The following CBX6 variants were observed in gnomAD, a reference collection of about 807,000 sequenced individuals.
The protein encoded by CBX6 is chromobox 6, also known as chromobox protein homolog 6.
Under a neutral mutation model 28.4 loss-of-function variants are expected in CBX6, and 7 were observed. The ratio of observed to expected loss-of-function variants is 0.25; its 90% CI spans 0.14 to 0.46. CBX6 has a LOEUF of 0.46. Among genes scored for constraint, CBX6 ranks in the 20% least tolerant of loss-of-function variants. The pLI, the probability that CBX6 is intolerant of heterozygous loss-of-function variation, is 0.99. For missense variants in CBX6, 512 were observed against 606.1 expected, an observed-to-expected ratio of 0.84 and a Z score of 1.63; for synonymous variants, 297 against 273.4, an observed-to-expected ratio of 1.09 and a Z score of -0.85.
At position 38,871,148 on chromosome 22, in the gene CBX6, T is replaced by TA. The variant is rs2093181133; in HGVS notation, c.246+331dup. The TA allele has an allele frequency of 4.9e-6, 2 of 407,398 alleles. No individual in the cohort carries two copies. The allele number at this position is 407,398 out of a possible 1,614,324, so 25.2% of individuals were successfully genotyped here. On this transcript the variant is annotated intron_variant, in intron 4 of 4. Transcript: ENST00000407418. This position sits in a 1 kb window ranked among gnomAD's most constrained non-coding sequence, Gnocchi z 5.6. ...TGGGTTCCAACTCCCAGCACAGTCA[T>TA]AACAGCTCAAACAAATGCCCCCTTC...
chr22:38,868,119 C>G (rs1306855709), intron 4 of CBX6, among the ~76,000 whole-genome samples: 1 of 152,204 alleles, frequency 6.6e-6, no homozygotes, highest in African/African-American at 2.4e-5. Context: ...CCAACCCACC[C>G]GTTGTCAGAT....
Position 38,871,623 on chromosome 22 carries a change from C to G in CBX6, c.179+69G>C. 1 of 1,610,934 alleles carries G rather than the reference C, an allele frequency of 6.2e-7. No homozygotes were observed. The highest frequency in any genetic ancestry group is 1.7e-4 in the Middle Eastern group (1 of 5,952). ...TCCGCGCTGCCCTCCCCGGCTCTCC[C>G]GCTTCCCCGCGCGGCGCCCCAGCCG... On this transcript the variant is annotated intron_variant, in intron 3 of 4. Coordinates refer to ENST00000407418, the MANE Select transcript of CBX6 (RefSeq NM_014292.5). The surrounding 1 kb of genome is among the most constrained non-coding windows in gnomAD (Gnocchi z 5.6).
rs1299548215 is a variant in CBX6, at chr22:38,867,166, A to G, written c.282T>C (p.Asp94=). 4 of 1,517,054 alleles carry G rather than the reference A, an allele frequency of 2.6e-6. No individual in the cohort carries two copies. The highest frequency in any genetic ancestry group is 3.5e-6 in the Non-Finnish European group (4 of 1,133,242). The allele number at this position is 1,517,054 out of a possible 1,614,324, so 94.0% of individuals were successfully genotyped here. A position where few individuals can be genotyped will look rare whatever the true frequency, so the allele number is the denominator to read the frequency against. ...CGCTCGGCTTGACAGAGAAATGCAC[A>G]TCACTGATGCGGAGGGCCTCGGCCT... ...RAQAEALRIS[D]VHFSVKPSAS... is the part of the protein sequence containing the mutation. The change falls in exon 5 of 5, where the codon GAT becomes GAC. Residue 94 remains aspartate, a synonymous_variant. Transcript: ENST00000407418.
intron 4 of CBX6, among the ~76,000 whole-genome samples, chr22:38,869,067 C>G (rs9611041): frequency 0.65 from 98,728 of 152,146 alleles, 35,856 homozygotes; most frequent in East Asian, 0.85. Context: ...CCTGCCCATG[C>G]CAATGCTGCC....
intron 4 of CBX6, among the ~76,000 whole-genome samples, chr22:38,869,073 C>T (rs1004664135): frequency 1.3e-5 from 2 of 152,210 alleles, no homozygotes; most frequent in Admixed American, 1.3e-4. Context: ...CATGCCAATG[C>T]TGCCAGCCCA....
intron 4 of CBX6, among the ~76,000 whole-genome samples, chr22:38,867,908 G>C (rs2093174428): frequency 6.6e-6 from 1 of 152,276 alleles, no homozygotes; most frequent in South Asian, 2.1e-4. Context: ...TCAGACGTGA[G>C]TTTGGTGGGG....
intron 4 of CBX6, 27 bp from the exon 5 acceptor site, chr22:38,867,228 G>GC: frequency 1.5e-4 from 80 of 518,754 alleles, no homozygotes; most frequent in Non-Finnish European, 2.2e-4. Context: ...GGGTGGGTGG[G>GC]ACCTCAGGAC....
chr22:38,861,570 G>C lies in CBX6; in HGVS notation c.*4639C>G, dbSNP rs1028289403. ...AGCAGCAGAACAAACGTACAAGACA[G>C]AGTAATCGGCACAGACCCACCCCTC... On this transcript the variant is annotated 3_prime_UTR_variant, in exon 5 of 5. Coordinates refer to ENST00000407418, the MANE Select transcript of CBX6 (RefSeq NM_014292.5). The C allele has an allele frequency of 3.9e-5, 6 of 152,184 alleles. No homozygotes were observed. Among genetic ancestry groups the C allele is most frequent in the African/African-American group, 1.2e-4 (5 of 41,430 alleles). 9.4% of individuals were successfully genotyped at this position (152,184 alleles called of 1,614,324 possible). A position where few individuals can be genotyped will look rare whatever the true frequency, so the allele number is the denominator to read the frequency against.
chr22:38,871,616 G>T lies in CBX6; in HGVS notation c.180-70C>A. On this transcript the variant is annotated intron_variant, in intron 3 of 4. Coordinates refer to ENST00000407418, the MANE Select transcript of CBX6 (RefSeq NM_014292.5). The surrounding 1 kb of genome is among the most constrained non-coding windows in gnomAD (Gnocchi z 5.6). Reference sequence around the variant, plus strand: ...GCCCCACTCCGCGCTGCCCTCCCCGGCTCTCCCGCTTCCCCGCGCGGCGCC... The same window carrying T: ...GCCCCACTCCGCGCTGCCCTCCCCGTCTCTCCCGCTTCCCCGCGCGGCGCC... The T allele has an allele frequency of 6.2e-7, 1 of 1,610,290 alleles. No homozygotes were observed. Among genetic ancestry groups the T allele is most frequent in the Non-Finnish European group, 8.5e-7 (1 of 1,177,546 alleles).
rs2093162904 is a variant in CBX6, at chr22:38,863,690, A to T, written c.*2519T>A. ...AGAAGCAGACCACCTGTGGCAAGGG[A>T]AATGCATTCCCTCTCCCCAGCCACC... On this transcript the variant is annotated 3_prime_UTR_variant, in exon 5 of 5. Coordinates refer to ENST00000407418, the MANE Select transcript of CBX6 (RefSeq NM_014292.5). The T allele has an allele frequency of 6.6e-6, 1 of 152,228 alleles. No homozygotes were observed. Among genetic ancestry groups the T allele is most frequent in the African/African-American group, 2.4e-5 (1 of 41,416 alleles). 9.4% of individuals were successfully genotyped at this position (152,228 alleles called of 1,614,324 possible).
chr22:38,871,384 T>A lies in CBX6; in HGVS notation c.246+96A>T. On this transcript the variant is annotated intron_variant, in intron 4 of 4. Transcript: ENST00000407418. The surrounding 1 kb of genome is among the most constrained non-coding windows in gnomAD (Gnocchi z 5.6). ...GCCCCTCTGAAAAGGCCGGCCCGCT[T>A]GGGCGGCCGCGTATCTGTCCCTCCC... 7.7e-7 allele frequency: 1 copy of A among 1,296,512 alleles called. No individual in the cohort carries two copies. Among genetic ancestry groups the A allele is most frequent in the Non-Finnish European group, 1.1e-6 (1 of 931,950 alleles). The allele number at this position is 1,296,512 out of a possible 1,614,324, so 80.3% of individuals were successfully genotyped here.
rs997207473 is a variant in CBX6 at position 38,862,591 on chromosome 22, C to T, written c.*3618G>A. 2 of 139,384 alleles carry T rather than the reference C, an allele frequency of 1.4e-5. No individual in the cohort carries two copies. Among genetic ancestry groups the T allele is most frequent in the Non-Finnish European group, 3.2e-5 (2 of 63,228 alleles). 8.6% of individuals were successfully genotyped at this position (139,384 alleles called of 1,614,324 possible). On this transcript the variant is annotated 3_prime_UTR_variant, in exon 5 of 5. Transcript: ENST00000407418. Reference sequence around the variant, plus strand: ...ACAAAAGAAAAAAGAAAAACCACCACAAACCAAAACAACAAAATGACACAG... The same window carrying T: ...ACAAAAGAAAAAAGAAAAACCACCATAAACCAAAACAACAAAATGACACAG...
At position 38,866,506 on chromosome 22, in the gene CBX6, G is replaced by A; in HGVS notation, c.942C>T (p.Asp314=). The part of the protein sequence containing the change: ...APSWREPEVL[D]LSLPPESAAT... ...CTGCCGACTCGGGAGGGAGGGACAG[G>A]TCGAGCACCTCCGGCTCGCGCCAGC... The change falls in exon 5 of 5, where the codon GAC becomes GAT. Residue 314 remains aspartate (D), a synonymous_variant. Coordinates refer to ENST00000407418, the MANE Select transcript of CBX6 (RefSeq NM_014292.5). This position sits in a 1 kb window ranked among gnomAD's most constrained non-coding sequence, Gnocchi z 7.5. 3 of 1,589,442 alleles carry A rather than the reference G, an allele frequency of 1.9e-6. No individual in the cohort carries two copies. The highest frequency in any genetic ancestry group is 2.6e-6 in the Non-Finnish European group (3 of 1,173,648).
intron 4 of CBX6, among the ~76,000 whole-genome samples, chr22:38,868,993 G>A (rs1803727161): frequency 6.6e-6 from 1 of 152,164 alleles, no homozygotes; most frequent in African/African-American, 2.4e-5. Context: ...CCCAGGCTGG[G>A]GCCTCCTGGG....
chr22:38,871,127 T>G lies in CBX6; in HGVS notation c.246+353A>C. The G allele has an allele frequency of 3.6e-6, 1 of 279,808 alleles. No individual in the cohort carries two copies. The highest frequency in any genetic ancestry group is 6.8e-6 in the Non-Finnish European group (1 of 146,220). The allele number at this position is 279,808 out of a possible 1,614,324, so 17.3% of individuals were successfully genotyped here. A position where few individuals can be genotyped will look rare whatever the true frequency, so the allele number is the denominator to read the frequency against. Reference sequence around the variant, plus strand: ...GGACCCCACTCACTCTCCCCCTGGGTTCCAACTCCCAGCACAGTCATAACA... The same window carrying G: ...GGACCCCACTCACTCTCCCCCTGGGGTCCAACTCCCAGCACAGTCATAACA... On this transcript the variant is annotated intron_variant, in intron 4 of 4. Transcript: ENST00000407418. This position sits in a 1 kb window ranked among gnomAD's most constrained non-coding sequence, Gnocchi z 5.6.
chr22:38,867,303 G>GATA, intron 4 of CBX6, 102 bp from the exon 5 acceptor site: 1 of 987,966 alleles, frequency 1.0e-6, no homozygotes, highest in African/African-American at 1.6e-5. Flanking sequence ...CTCAGCCAGC[G>GATA]ATCCCGAGAT....
rs534273054 is a variant in CBX6, at chr22:38,870,843, T to A, written c.246+637A>T. 6.5e-6 allele frequency: 1 copy of A among 152,930 alleles called. No individual in the cohort carries two copies. The highest frequency in any genetic ancestry group is 1.5e-5 in the Non-Finnish European group (1 of 68,436). 9.5% of individuals were successfully genotyped at this position (152,930 alleles called of 1,614,324 possible). A position where few individuals can be genotyped will look rare whatever the true frequency, so the allele number is the denominator to read the frequency against. The stretch of plus-strand genomic sequence containing the variant: ...CTTCCCTCCCTAGCAGAGACTAATA[T>A]GCTATGCTCTCACTCCCACATCCCC... On this transcript the variant is annotated intron_variant, in intron 4 of 4. Transcript: ENST00000407418. This position sits in a 1 kb window ranked among gnomAD's most constrained non-coding sequence, Gnocchi z 4.3.
rs1412443506 is a variant in CBX6, at chr22:38,866,312, G to A, written c.1136C>T (p.Thr379Met). ...GTTGCAGAATTCCTTGATTGTGACCGTCAGGAGGTTGCTGGTGACATCGGT... is the reference window on the plus strand; with the variant it reads ...GTTGCAGAATTCCTTGATTGTGACCATCAGGAGGTTGCTGGTGACATCGGT... ...VVTDVTSNLL[T>M]VTIKEFCNPE... The change falls in exon 5 of 5, where the codon ACG becomes ATG. Residue 379 changes from threonine to methionine, a missense_variant. Thr to Met is a moderately conservative substitution (Grantham distance 81). Coordinates refer to ENST00000407418, the MANE Select transcript of CBX6 (RefSeq NM_014292.5). The surrounding 1 kb of genome is among the most constrained non-coding windows in gnomAD (Gnocchi z 7.5). 6.2e-7 allele frequency: 1 copy of A among 1,613,982 alleles called. No homozygotes were observed. The highest frequency in any genetic ancestry group is 8.5e-7 in the Non-Finnish European group (1 of 1,179,982).
Position 38,871,354 on chromosome 22 carries a change from C to T in CBX6, c.246+126G>A. On this transcript the variant is annotated intron_variant, in intron 4 of 4. Coordinates refer to ENST00000407418, the MANE Select transcript of CBX6 (RefSeq NM_014292.5). This position sits in a 1 kb window ranked among gnomAD's most constrained non-coding sequence, Gnocchi z 5.6. ...GGGCTCACAACCACCCCCTGCCCAG[C>T]TGGGGCCCCTCTGAAAAGGCCGGCC... The T allele has an allele frequency of 1.1e-6, 1 of 911,864 alleles. No individual in the cohort carries two copies. The highest frequency in any genetic ancestry group is 1.7e-6 in the Non-Finnish European group (1 of 594,658). The allele number at this position is 911,864 out of a possible 1,614,324, so 56.5% of individuals were successfully genotyped here. A position where few individuals can be genotyped will look rare whatever the true frequency, so the allele number is the denominator to read the frequency against.
Sources: allele counts gnomAD v4.1 joint callset (sites outside exome capture counted in the v4.1 genomes callset), GRCh38; gene constraint gnomAD v4.1.1; non-coding constraint Gnocchi (gnomAD v3.1); transcripts MANE v1.5; gene names NCBI Gene and HGNC (gene_info 2026-07-23, HGNC 2026-07-21).